ADGRL2: variants seen among roughly 807,000 people sequenced by gnomAD.
ADGRL2 encodes the protein calcium-independent alpha-latrotoxin receptor 2.
In ADGRL2, 44 loss-of-function variants were observed where a neutral mutation model predicts 157.4. The ratio of observed to expected loss-of-function variants is 0.28; its 90% CI spans 0.22 to 0.36. ADGRL2 has a LOEUF of 0.36. Among genes scored for constraint, ADGRL2 ranks in the 10% least tolerant of loss-of-function variants. ADGRL2 has a pLI of 1.00. For synonymous variants in ADGRL2, 585 were observed against 624.7 expected (o/e 0.94, Z 0.95); for missense variants, 1,510 against 1,768.9 (o/e 0.85, Z 2.63).
At chr1:81,527,427 C>T (rs778309641) in intron 2 of ADGRL2, among the ~76,000 whole-genome samples, 2 of 152,058 alleles carry the variant, frequency 1.3e-5, no homozygotes, top group Admixed American at 6.6e-5. Flanking sequence ...TAAAAGCGGT[C>T]GAAGTCGAGC....
At chr1:81,519,002 T>A (rs1375612181) in intron 2 of ADGRL2, among the ~76,000 whole-genome samples, 1 of 152,174 alleles carries the variant, frequency 6.6e-6, no homozygotes, top group Non-Finnish European at 1.5e-5. Flanking sequence ...TTCCAAAGCA[T>A]TTCCCTATGT....
chr1:81,698,212 G>A (rs568235486), upstream of ADGRL2, among the ~76,000 whole-genome samples: 4 of 152,228 alleles, frequency 2.6e-5, no homozygotes, highest in South Asian at 8.3e-4. Flanking sequence ...GAAGGTATTG[G>A]TCAAAAATAA....
At chr1:81,816,814 A>G (rs2090448009) in intron 1 of ADGRL2, among the ~76,000 whole-genome samples, 1 of 151,990 alleles carries the variant, frequency 6.6e-6, no homozygotes, top group Non-Finnish European at 1.5e-5. Flanking sequence ...TATTCAACCT[A>G]CAAAATAAAA....
Position 81,958,726 on chromosome 1 carries a change from G to A in ADGRL2, c.2017+2666G>A, listed in dbSNP as rs539426204. On this transcript the variant is annotated intron_variant, in intron 11 of 23. Coordinates refer to ENST00000686636, the MANE Select transcript of ADGRL2 (RefSeq NM_001366006.2). ...CAGTTGTACACTCTTATGATCATCA[G>A]CATGGTGATATTTCTGTGTCCTCAG... 4.6e-5 allele frequency among the ~76,000 whole-genome samples: 7 copies of A among 152,270 alleles called. No individual in the cohort carries two copies. In the East Asian group the frequency reaches 1.4e-3, roughly 29 times the overall value.
intron 3 of ADGRL2, among the ~76,000 whole-genome samples, chr1:81,613,475 T>A (rs1447796079): frequency 2.6e-5 from 4 of 152,140 alleles, no homozygotes. Context: ...GAAATGGTGC[T>A]CTGAGCGTGC....
chr1:81,693,488 G>A (rs1557571261), intron 3 of ADGRL2, among the ~76,000 whole-genome samples: 1 of 152,096 alleles, frequency 6.6e-6, no homozygotes, highest in Non-Finnish European at 1.5e-5. Flanking sequence ...GTCTATGTTG[G>A]GTGACACATT....
chr1:81,875,068 T>C (rs406304), intron 2 of ADGRL2, among the ~76,000 whole-genome samples: 131,166 of 152,008 alleles, frequency 0.86, 56,767 homozygotes, highest in East Asian at 0.96. Flanking sequence ...TTGCCTGTGT[T>C]TTAAACTCTT....
intron 1 of ADGRL2, among the ~76,000 whole-genome samples, chr1:81,714,464 T>C (rs974126218): frequency 2.0e-5 from 3 of 152,132 alleles, no homozygotes; most frequent in African/African-American, 7.2e-5. Flanking sequence ...TCTTTTATAG[T>C]ATGGGGCAGG....
chr1:81,313,796 GA>G (rs1281405892), intron 1 of ADGRL2, among the ~76,000 whole-genome samples: 3 of 152,086 alleles, frequency 2.0e-5, no homozygotes, highest in African/African-American at 7.2e-5. Flanking sequence ...GATTTCTTTG[GA>G]AACTATGTAA....
At chr1:81,612,819 C>T (rs1312889386) in intron 3 of ADGRL2, among the ~76,000 whole-genome samples, 2 of 152,056 alleles carry the variant, frequency 1.3e-5, no homozygotes, top group Non-Finnish European at 2.9e-5. Flanking sequence ...AAATGCTGAA[C>T]GATGCTACTC....
chr1:81,806,287 C>T (rs932669885), intron 1 of ADGRL2, among the ~76,000 whole-genome samples: 2 of 151,970 alleles, frequency 1.3e-5, no homozygotes, highest in African/African-American at 4.8e-5. Context: ...TGTAAATATA[C>T]AGATCTCACA....
chr1:81,346,240 A>G (rs945159726), intron 1 of ADGRL2, among the ~76,000 whole-genome samples: 1 of 152,202 alleles, frequency 6.6e-6, no homozygotes, highest in South Asian at 2.1e-4. Flanking sequence ...AAAATTATCC[A>G]TTATGCTTAT....
At chr1:81,700,277 T>C (rs2083535370) in intron 1 of ADGRL2, among the ~76,000 whole-genome samples, 1 of 152,220 alleles carries the variant, frequency 6.6e-6, no homozygotes, top group South Asian at 2.1e-4. Flanking sequence ...GGCTTTATTG[T>C]GGAAGAGTTG....
intron 3 of ADGRL2, among the ~76,000 whole-genome samples, chr1:81,683,521 C>T (rs1209239114): frequency 1.3e-5 from 2 of 152,172 alleles, no homozygotes; most frequent in Non-Finnish European, 2.9e-5. Flanking sequence ...TTAGCTCCCA[C>T]ACATCAGTGA....
intron 1 of ADGRL2, among the ~76,000 whole-genome samples, chr1:81,402,343 C>T (rs2076771776): frequency 6.6e-6 from 1 of 152,144 alleles, no homozygotes; most frequent in Admixed American, 6.5e-5. Context: ...AGAAACTTCT[C>T]TCCAGAGTTC....
intron 2 of ADGRL2, among the ~76,000 whole-genome samples, chr1:81,767,537 T>C (rs369594424): frequency 9.7e-4 from 148 of 152,206 alleles, no homozygotes; most frequent in African/African-American, 3.4e-3. Context: ...AAAATGTTAA[T>C]AGGATGAGGT....
intron 2 of ADGRL2, among the ~76,000 whole-genome samples, chr1:81,566,103 A>G (rs2080554522): frequency 6.6e-6 from 1 of 152,200 alleles, no homozygotes; most frequent in African/African-American, 2.4e-5. Context: ...TAATATATCT[A>G]TAAATTCAAA....
chr1:81,494,434 T>A (rs191227329), intron 2 of ADGRL2, among the ~76,000 whole-genome samples: 19 of 152,236 alleles, frequency 1.2e-4, no homozygotes, highest in Admixed American at 8.5e-4. Flanking sequence ...TAAAGCAACT[T>A]TCCCATCATC....
chr1:81,364,110 C>A (rs2076023818), intron 1 of ADGRL2, among the ~76,000 whole-genome samples: 1 of 152,118 alleles, frequency 6.6e-6, no homozygotes, highest in Admixed American at 6.5e-5. Context: ...CCCCACTCCC[C>A]CTTACCCCCA....
Sources: gnomAD v4.1 joint callset for allele counts (sites outside exome capture counted in the v4.1 genomes callset) on GRCh38, gnomAD v4.1.1 for gene constraint, MANE v1.5 for transcripts, NCBI Gene and HGNC (gene_info 2026-07-23, HGNC 2026-07-21) for gene names.